The following BICC1 variants were observed in gnomAD, a reference collection of about 807,000 sequenced individuals.
The protein encoded by BICC1 is BicC family RNA binding protein 1.
Under a neutral mutation model 111.0 loss-of-function variants are expected in BICC1, and 43 were observed. That is an observed-to-expected ratio of 0.39 (90% CI 0.30 to 0.50). The LOEUF (loss-of-function observed/expected upper bound fraction) is 0.50. BICC1 is among the 20% of genes least tolerant of loss of function. BICC1 has a pLI of 0.88. For synonymous variants in BICC1, 467 were observed against 434.4 expected (o/e 1.07, Z -0.93); for missense variants, 1,091 against 1,203.2 (o/e 0.91, Z 1.38).
chr10:58,622,617 G>A (rs994872179), intron 2 of BICC1, among the ~76,000 whole-genome samples: 20 of 152,238 alleles, frequency 1.3e-4, no homozygotes, highest in African/African-American at 4.3e-4. Context: ...TAGTTCAATG[G>A]GAACTGTCTT....
chr10:58,715,792 T>C (rs1589054085), intron 3 of BICC1: 1 of 1,402,516 alleles, frequency 7.1e-7, no homozygotes, highest in East Asian at 2.3e-5. Context: ...AGGGAGAAAT[T>C]GTTAACTGCA....
At chr10:58,657,671 G>T (rs1838702615) in intron 2 of BICC1, among the ~76,000 whole-genome samples, 1 of 152,124 alleles carries the variant, frequency 6.6e-6, no homozygotes, top group Non-Finnish European at 1.5e-5. Context: ...AATGTTAAAA[G>T]AGCTTCAGTC....
intron 3 of BICC1, among the ~76,000 whole-genome samples, chr10:58,763,717 AG>A (rs1054608197): frequency 2.8e-4 from 43 of 152,250 alleles, no homozygotes; most frequent in African/African-American, 9.4e-4. Flanking sequence ...AAGAGAGAAG[AG>A]TAATGAATTT....
At chr10:58,765,569 C>T (rs1212592833) in intron 3 of BICC1, among the ~76,000 whole-genome samples, 1 of 152,262 alleles carries the variant, frequency 6.6e-6, no homozygotes, top group East Asian at 1.9e-4. Context: ...GTGATAAACT[C>T]CACTGTAAAT....
intron 2 of BICC1, among the ~76,000 whole-genome samples, chr10:58,627,245 A>G (rs1482952034): frequency 6.6e-6 from 1 of 152,262 alleles, no homozygotes; most frequent in Non-Finnish European, 1.5e-5. Context: ...AACTCAATGC[A>G]TTGGATCATG....
intron 1 of BICC1, among the ~76,000 whole-genome samples, chr10:58,518,499 A>G (rs745953525): frequency 2.0e-5 from 3 of 151,356 alleles, no homozygotes; most frequent in Non-Finnish European, 4.4e-5. Context: ...ATGATGGATA[A>G]AGATTTCAAA....
chr10:58,827,861 T>C (rs757682994), intron 20 of BICC1, among the ~76,000 whole-genome samples: 1 of 152,158 alleles, frequency 6.6e-6, no homozygotes, highest in Admixed American at 6.6e-5. Context: ...GAGCCTCTAC[T>C]ATGCCTGAAA....
chr10:58,593,280 G>C (rs1246113064), intron 1 of BICC1, among the ~76,000 whole-genome samples: 1 of 152,082 alleles, frequency 6.6e-6, no homozygotes, highest in African/African-American at 2.4e-5. Flanking sequence ...CCCTGGAACA[G>C]AGCACCTAGG....
Position 58,728,649 on chromosome 10 carries a change from G to A in BICC1, c.307+26506G>A, listed in dbSNP as rs200211122. Among the ~76,000 whole-genome samples the A allele has an allele frequency of 4.6e-5, 7 of 152,024 alleles. No homozygotes were observed. The South Asian group carries it at 6.2e-4, about 14-fold the overall frequency. ...CCAGAGGTTTTCAATTTACTTTGCC[G>A]CAATCCATCAGAGGAATAACTGTGT... On this transcript the variant is annotated intron_variant, in intron 3 of 20. Coordinates refer to ENST00000373886, the MANE Select transcript of BICC1 (RefSeq NM_001080512.3).
chr10:58,570,003 C>A (rs937570296), intron 1 of BICC1, among the ~76,000 whole-genome samples: 2 of 152,156 alleles, frequency 1.3e-5, no homozygotes, highest in African/African-American at 4.8e-5. Context: ...TTTACACTCC[C>A]AACAACAGTG....
At chr10:58,635,858 T>A (rs1161883835) in intron 2 of BICC1, among the ~76,000 whole-genome samples, 1 of 152,148 alleles carries the variant, frequency 6.6e-6, no homozygotes, top group African/African-American at 2.4e-5. Context: ...TCTGGCCCTC[T>A]CCATTAGTTA....
At chr10:58,747,228 T>G (rs2132628926) in intron 3 of BICC1, among the ~76,000 whole-genome samples, 1 of 152,310 alleles carries the variant, frequency 6.6e-6, no homozygotes, top group South Asian at 2.1e-4. Context: ...AGAGTAAACT[T>G]GCATTTGATA....
intron 1 of BICC1, among the ~76,000 whole-genome samples, chr10:58,614,025 C>G (rs1845522122): frequency 6.6e-6 from 1 of 151,910 alleles, no homozygotes; most frequent in African/African-American, 2.4e-5. Flanking sequence ...GAAAAATGTT[C>G]TTCAGTGATA....
chr10:58,518,180 TC>T (rs1407912864), intron 1 of BICC1, among the ~76,000 whole-genome samples: 1 of 152,166 alleles, frequency 6.6e-6, no homozygotes, highest in African/African-American at 2.4e-5. Context: ...ATTTGACTGG[TC>T]CTGAGCCATT....
At position 58,679,119 on chromosome 10, in the gene BICC1, A is replaced by G. The variant is rs575393857; in HGVS notation, c.238-22955A>G. 1.3e-5 allele frequency among the ~76,000 whole-genome samples: 2 copies of G among 152,216 alleles called. 1 individual carries two copies. The highest frequency in any genetic ancestry group is 4.1e-4 in the South Asian group (2 of 4,834). On this transcript the variant is annotated intron_variant, in intron 2 of 20. Transcript: ENST00000373886. ...AAATTGACACCCTAACATCACAATT[A>G]AAAGAACTAGAGAAGCAAGAATAAA...
rs765962198 is a variant in BICC1 at position 58,828,712 on chromosome 10, A to G, written c.2795-49A>G. On this transcript the variant is annotated intron_variant, in intron 20 of 20. Transcript: ENST00000373886. The stretch of plus-strand genomic sequence containing the variant: ...GCTCTAGTGCCATGTCCTGTAGTAT[A>G]CATAGAACTTCTCTTGAGCTCCTAA... 18 of 1,590,772 alleles carry G rather than the reference A, an allele frequency of 1.1e-5. No homozygotes were observed. In the East Asian group the frequency reaches 3.6e-4, roughly 32 times the overall value.
chr10:58,560,285 T>A (rs1649055), intron 1 of BICC1, among the ~76,000 whole-genome samples: 65,918 of 151,838 alleles, frequency 0.43, 16,085 homozygotes, highest in Admixed American at 0.62. Flanking sequence ...CCTGGTTCAA[T>A]CTTGATAGGT....
intron 1 of BICC1, among the ~76,000 whole-genome samples, chr10:58,542,710 A>G (rs1180178938): frequency 6.6e-6 from 1 of 152,174 alleles, no homozygotes; most frequent in African/African-American, 2.4e-5. Context: ...CGAATATATC[A>G]AAGAAGATAT....
At chr10:58,678,581 A>G (rs776429954) in intron 2 of BICC1, among the ~76,000 whole-genome samples, 1 of 152,198 alleles carries the variant, frequency 6.6e-6, no homozygotes, top group Non-Finnish European at 1.5e-5. Flanking sequence ...CCCACACAAT[A>G]ATAGTGGGGA....
Sources: allele counts gnomAD v4.1 joint callset (sites outside exome capture counted in the v4.1 genomes callset), GRCh38; gene constraint gnomAD v4.1.1; transcripts MANE v1.5; gene names NCBI Gene and HGNC (gene_info 2026-07-23, HGNC 2026-07-21).